Variants in DACH2 observed in about 807,000 individuals in gnomAD.
The protein encoded by DACH2 is dachshund homolog 2.
DACH2 carries 17 observed loss-of-function variants against 35.8 expected under a neutral mutation model. The ratio of observed to expected loss-of-function variants is 0.48; its 90% CI spans 0.33 to 0.71. The LOEUF is 0.71. DACH2 is among the 30% of genes least tolerant of loss of function. The probability of loss-of-function intolerance (pLI) is 0.02; values close to 1 mark genes in which losing one functional copy is unlikely to be tolerated. For missense variants in DACH2, 469 were observed against 472.7 expected (o/e 0.99, Z 0.07); for synonymous variants, 195 against 177.3 (o/e 1.10, Z -0.79).
At chrX:86,161,389 G>C (rs995603340) in intron 1 of DACH2, 9 of 874,378 alleles carry the variant, frequency 1.0e-5, no homozygotes, top group Non-Finnish European at 1.4e-5. Flanking sequence ...GGTGTTAGCA[G>C]ATCAAAACCT....
intron 3 of DACH2, among the ~76,000 whole-genome samples, chrX:86,574,996 T>C (rs768996294): frequency 8.9e-6 from 1 of 111,915 alleles, no homozygotes; most frequent in African/African-American, 3.2e-5. Flanking sequence ...TACTAATTTA[T>C]GATAAATATT....
intron 6 of DACH2, among the ~76,000 whole-genome samples, chrX:86,720,514 T>C (rs2041392464): frequency 1.8e-5 from 2 of 112,001 alleles, no homozygotes; most frequent in African/African-American, 6.5e-5. Context: ...AACAATATTC[T>C]TTGACTCCAT....
At chrX:86,774,145 C>G in intron 7 of DACH2, among the ~76,000 whole-genome samples, 1 of 111,951 alleles carries the variant, frequency 8.9e-6, no homozygotes, top group Middle Eastern at 4.7e-3. Flanking sequence ...TCTGGTGTTT[C>G]ACTTAATAAC....
chrX:86,372,125 G>T (rs1245190456), intron 1 of DACH2, among the ~76,000 whole-genome samples: 2 of 111,090 alleles, frequency 1.8e-5, no homozygotes, highest in Non-Finnish European at 3.8e-5. Flanking sequence ...TACTCTGAAT[G>T]ATATTGTATC....
intron 3 of DACH2, among the ~76,000 whole-genome samples, chrX:86,563,342 A>G (rs2039251147): frequency 9.0e-6 from 1 of 110,652 alleles, no homozygotes; most frequent in African/African-American, 3.3e-5. Context: ...ATGTTAAAGA[A>G]GAATAATATA....
Position 86,695,285 on chromosome X carries a change from GT to G in DACH2, c.931+109del, listed in dbSNP as rs764907920. 71 of 673,581 alleles carry G rather than the reference GT, an allele frequency of 1.1e-4. 1 individual carries two copies. In the South Asian group the frequency reaches 5.6e-3, roughly 53 times the overall value. The allele number at this position is 673,581 out of a possible 1,213,427, so 55.5% of individuals were successfully genotyped here. A position where few individuals can be genotyped will look rare whatever the true frequency, so the allele number is the denominator to read the frequency against. ...GCTTAGTCTATTTTTCTTCAATAAAGTTTAACAATTTAATATCAGAAGGGGA... is the reference window on the plus strand; with the variant it reads ...GCTTAGTCTATTTTTCTTCAATAAAGTTAACAATTTAATATCAGAAGGGGA... On this transcript the variant is annotated intron_variant, in intron 5 of 11. Transcript: ENST00000373125.
chrX:86,268,655 C>T (rs2033757795), intron 1 of DACH2, among the ~76,000 whole-genome samples: 1 of 109,141 alleles, frequency 9.2e-6, no homozygotes, highest in Non-Finnish European at 1.9e-5. Flanking sequence ...GTGCCTCACT[C>T]TCCCGAGTAG....
intron 1 of DACH2, among the ~76,000 whole-genome samples, chrX:86,162,110 A>G (rs181070695): frequency 5.5e-3 from 609 of 110,411 alleles, no homozygotes; most frequent in Middle Eastern, 0.014. Flanking sequence ...TTTGTTTCCA[A>G]GATGGTTCTC....
intron 1 of DACH2, among the ~76,000 whole-genome samples, chrX:86,243,633 T>C (rs776170244): frequency 1.3e-4 from 15 of 111,998 alleles, no homozygotes; most frequent in Non-Finnish European, 2.4e-4. Flanking sequence ...ATATTTTCTT[T>C]GTTGTTATCA....
At chrX:86,206,641 G>A (rs1343924803) in intron 1 of DACH2, among the ~76,000 whole-genome samples, 2 of 112,298 alleles carry the variant, frequency 1.8e-5, no homozygotes, top group Non-Finnish European at 3.8e-5. Context: ...TTACAAATAT[G>A]TAGTCATGGC....
intron 3 of DACH2, among the ~76,000 whole-genome samples, chrX:86,563,555 C>T (rs2148325791): frequency 9.0e-6 from 1 of 110,616 alleles, no homozygotes; most frequent in East Asian, 2.9e-4. Context: ...TATAACAATG[C>T]AAATATGATA....
At chrX:86,781,761 C>T (rs781502954) in intron 7 of DACH2, among the ~76,000 whole-genome samples, 6 of 111,467 alleles carry the variant, frequency 5.4e-5, no homozygotes, top group Non-Finnish European at 1.1e-4. Flanking sequence ...AGCTTTTCTT[C>T]TAAGATCTGG....
intron 1 of DACH2, chrX:86,305,152 G>T (rs751484550): frequency 9.0e-5 from 12 of 132,901 alleles, no homozygotes; most frequent in South Asian, 2.8e-4. Flanking sequence ...CACCCTTTTT[G>T]GGGGGTACAC....
At chrX:86,308,990 C>T (rs1184320273) in intron 1 of DACH2, among the ~76,000 whole-genome samples, 1 of 111,550 alleles carries the variant, frequency 9.0e-6, no homozygotes, top group African/African-American at 3.3e-5. Context: ...CTGGCAGAAC[C>T]CCCACATTGG....
chrX:86,529,103 G>A (rs1209520842), intron 3 of DACH2, among the ~76,000 whole-genome samples: 1 of 111,983 alleles, frequency 8.9e-6, no homozygotes, highest in Non-Finnish European at 1.9e-5. Flanking sequence ...GCAGTGCAGT[G>A]GCATGATCAT....
chrX:86,381,314 T>C lies in DACH2; in HGVS notation c.527+4452T>C, dbSNP rs1019920204. Among the ~76,000 whole-genome samples, 4 of 111,304 alleles carry C rather than the reference T, an allele frequency of 3.6e-5. No individual in the cohort carries two copies. In the Admixed American group the frequency reaches 3.9e-4, roughly 11 times the overall value. ...TTTTATTCTCTTACGATTATACACA[T>C]ACATATGAAATATTGATTCCGATCA... On this transcript the variant is annotated intron_variant, in intron 2 of 11. Coordinates refer to ENST00000373125, the MANE Select transcript of DACH2 (RefSeq NM_053281.3).
In DACH2 at chrX:86,697,612, G is replaced by A. The variant is rs377007128; in HGVS notation, c.931+2433G>A. On this transcript the variant is annotated intron_variant, in intron 5 of 11. Transcript: ENST00000373125. ...AAAACAACTAATATACTAAGAGAAT[G>A]GAAAAAATGAACATCATGAAGAACA... Among the ~76,000 whole-genome samples the A allele has an allele frequency of 2.1e-4, 23 of 110,123 alleles. No homozygotes were observed. In the East Asian group the frequency reaches 4.0e-3, roughly 19 times the overall value.
chrX:86,438,309 C>T (rs1057116658), intron 2 of DACH2, among the ~76,000 whole-genome samples: 4 of 106,511 alleles, frequency 3.8e-5, no homozygotes, highest in South Asian at 4.4e-4. Flanking sequence ...CTTCAACCTC[C>T]GCCTCCAGGG....
intron 4 of DACH2, among the ~76,000 whole-genome samples, chrX:86,657,639 AT>A (rs1386028913): frequency 9.0e-6 from 1 of 111,065 alleles, no homozygotes; most frequent in Non-Finnish European, 1.9e-5. Context: ...AGAAAGGACA[AT>A]TTTTGGTTCT....
Sources: allele counts gnomAD v4.1 joint callset (sites outside exome capture counted in the v4.1 genomes callset), GRCh38; gene constraint gnomAD v4.1.1; transcripts MANE v1.5; gene names NCBI Gene and HGNC (gene_info 2026-07-23, HGNC 2026-07-21).